Variants in ANKRD26 observed in about 807,000 individuals in gnomAD.
ANKRD26 encodes the protein ankyrin repeat domain 26.
A neutral mutation model predicts 208.7 loss-of-function variants in ANKRD26; 141 were observed. That is an observed-to-expected ratio of 0.68 (90% CI 0.59 to 0.78). ANKRD26 has a LOEUF of 0.78. ANKRD26 is among the 30% of genes least tolerant of loss of function. The pLI, the probability that ANKRD26 is intolerant of heterozygous loss-of-function variation, is 0.00. For missense variants in ANKRD26, 1,889 were observed against 1,938.7 expected (o/e 0.97, Z 0.48); for synonymous variants, 636 against 660.4 (o/e 0.96, Z 0.57).
At position 27,006,937 on chromosome 10, in the gene ANKRD26, A is replaced by T; in HGVS notation, c.4979T>A (p.Ile1660Lys). The T allele has an allele frequency of 6.2e-7, 1 of 1,610,106 alleles. No homozygotes were observed. Among genetic ancestry groups the T allele is most frequent in the South Asian group, 1.1e-5 (1 of 90,918 alleles). The change falls in exon 33 of 34, where the codon ATA becomes AAA. Residue 1660 changes from isoleucine to lysine, a missense_variant. Physicochemically the swap from Ile to Lys is moderately radical, Grantham distance 102. This residue lies in a region of ANKRD26 where 613 missense variants were observed against 648.2 expected (regional missense o/e 0.95). Transcript: ENST00000376087. ...CATACCTTCTTTGAGTTCTCTAGTTATATTTTTTTCCAACTCCTGCTGCAT... is the reference window on the plus strand; with the variant it reads ...CATACCTTCTTTGAGTTCTCTAGTTTTATTTTTTTCCAACTCCTGCTGCAT... ...SKMQQELEKN[I>K]TRELKEAAAE...
chr10:27,082,046 A>AT (rs1195674515), intron 6 of ANKRD26, among the ~76,000 whole-genome samples: 4 of 84,120 alleles, frequency 4.8e-5, no homozygotes, highest in African/African-American at 1.1e-4. Context: ...CTATGCAGTT[A>AT]TTTAAAAAAA....
chr10:26,951,015 T>TTTC, the ANKRD26 span, among the ~76,000 whole-genome samples: 26 of 46,902 alleles, frequency 5.5e-4, no homozygotes, highest in East Asian at 3.0e-3. Context: ...TTTCTTTTCT[T>TTTC]TTTCTTTTTT....
chr10:27,087,869 C>T (rs1247099422), intron 4 of ANKRD26, among the ~76,000 whole-genome samples: 2 of 152,188 alleles, frequency 1.3e-5, no homozygotes, highest in East Asian at 1.9e-4. Context: ...CCGCCTGGAA[C>T]TCCTGGGCTC....
At position 27,064,078 on chromosome 10, in the gene ANKRD26, T is replaced by C. The variant is rs12359281; in HGVS notation, c.1273A>G (p.Ile425Val). Residue 425 changes from isoleucine to valine, a missense_variant, in exon 12 of 34, where the codon ATC (isoleucine) becomes GTC (valine). Physicochemically the swap from Ile to Val is conservative, Grantham distance 29 (BLOSUM62 3). Coordinates refer to ENST00000376087, the MANE Select transcript of ANKRD26 (RefSeq NM_014915.3). ...TACTTCTGTGGAAAATTCTCAGAGA[T>C]ACTCTGTTAAAATTAGTATCAATAA... is the stretch of plus-strand genomic sequence containing the variant. Reference protein sequence around the residue: ...DIESPWDSESISENFPQKYVD... With the variant: ...DIESPWDSESVSENFPQKYVD... 0.027 allele frequency: 43,811 copies of C among 1,605,428 alleles called. 1,034 individuals are homozygous for C. Among genetic ancestry groups the C allele is most frequent in the East Asian group, 0.1 (4,560 of 44,760 alleles).
At chr10:26,954,454 T>C in the ANKRD26 span, among the ~76,000 whole-genome samples, 1 of 152,238 alleles carries the variant, frequency 6.6e-6, no homozygotes, top group Non-Finnish European at 1.5e-5. Flanking sequence ...ATTGTATTCT[T>C]TTAACATAAG....
chr10:27,018,233 C>T (rs937487428), intron 29 of ANKRD26, among the ~76,000 whole-genome samples: 9 of 149,882 alleles, frequency 6.0e-5, no homozygotes, highest in Non-Finnish European at 1.3e-4. Context: ...CTCCCGGGTT[C>T]ATGCCATTCT....
intron 4 of ANKRD26, among the ~76,000 whole-genome samples, chr10:26,981,313 A>G (rs2052304796): frequency 6.6e-6 from 1 of 152,230 alleles, no homozygotes; most frequent in African/African-American, 2.4e-5. Flanking sequence ...CTGCAAGGAG[A>G]CAAAGGCATC....
chr10:27,054,122 C>T (rs2054759391), intron 15 of ANKRD26, among the ~76,000 whole-genome samples: 1 of 152,090 alleles, frequency 6.6e-6, no homozygotes, highest in Non-Finnish European at 1.5e-5. Flanking sequence ...TATCTTTGTA[C>T]TGTATCTTTT....
intron 29 of ANKRD26, among the ~76,000 whole-genome samples, chr10:27,021,434 C>T (rs1228293044): frequency 6.6e-6 from 1 of 152,208 alleles, no homozygotes; most frequent in Non-Finnish European, 1.5e-5. Flanking sequence ...CTGTTCTCTG[C>T]AGCCTTGCTG....
intron 16 of ANKRD26, chr10:27,051,629 C>A: frequency 1.0e-6 from 1 of 985,200 alleles, no homozygotes; most frequent in Non-Finnish European, 1.2e-6. Context: ...TTAAATAAGG[C>A]TTAGAAGATG....
chr10:27,066,543 T>C lies in ANKRD26; in HGVS notation c.1213A>G (p.Met405Val), dbSNP rs555822164. 71 of 1,594,014 alleles carry C rather than the reference T, an allele frequency of 4.5e-5. No homozygotes were observed. The highest frequency in any genetic ancestry group is 1.7e-4 in the Middle Eastern group (1 of 6,028). Residue 405 changes from methionine to valine, a missense_variant, in exon 11 of 34, where the codon ATG (methionine) becomes GTG (valine). Coordinates refer to ENST00000376087, the MANE Select transcript of ANKRD26 (RefSeq NM_014915.3). ...TCTTGTCCTAATCCTAATGCGGACA[T>C]CATATCTATCAAATGTGATACACAG... ...EVHKNNRSDM[M>V]SALGLGQEED...
rs1302201478 is a variant in ANKRD26, at chr10:27,051,072, TGGAC to T, written c.1636-2097_1636-2094del. ...GCAAACCTCTACCTCTTTTTGAAGT[TGGAC>T]TTTTTCTTTCTCCAAAGCCTGGAAC... On this transcript the variant is annotated intron_variant, in intron 16 of 33. Coordinates refer to ENST00000376087, the MANE Select transcript of ANKRD26 (RefSeq NM_014915.3). 3.2e-6 allele frequency: 4 copies of T among 1,250,026 alleles called. No individual in the cohort carries two copies. The Admixed American group carries it at 8.6e-5, about 27-fold the overall frequency. 77.4% of individuals were successfully genotyped at this position (1,250,026 alleles called of 1,614,324 possible). A position where few individuals can be genotyped will look rare whatever the true frequency, so the allele number is the denominator to read the frequency against.
Position 27,079,122 on chromosome 10 carries a change from G to A in ANKRD26, c.780C>T (p.Thr260=), listed in dbSNP as rs1244487176. 1.2e-6 allele frequency: 2 copies of A among 1,613,684 alleles called. No homozygotes were observed. Among genetic ancestry groups the A allele is most frequent in the Non-Finnish European group, 1.7e-6 (2 of 1,179,830 alleles). The change falls in exon 7 of 34, where the codon ACC becomes ACT. Residue 260 remains threonine (T), a synonymous_variant. Transcript: ENST00000376087. ...CAAAATTGAGGTCTTCGTCATCTGAGGTAGGCCATGAATCATCAACACCCG... is the reference window on the plus strand; with the variant it reads ...CAAAATTGAGGTCTTCGTCATCTGAAGTAGGCCATGAATCATCAACACCCG... ...GKPGVDDSWP[T]SDDEDLNFDT...
Position 27,043,546 on chromosome 10 carries a change from T to C in ANKRD26, c.2041A>G (p.Met681Val), listed in dbSNP as rs781586513. 5 of 1,613,774 alleles carry C rather than the reference T, an allele frequency of 3.1e-6. No individual in the cohort carries two copies. The East Asian group carries it at 6.7e-5, about 22-fold the overall frequency. Residue 681 changes from methionine to valine, a missense_variant, in exon 20 of 34, where the codon ATG becomes GTG. Met to Val is a conservative substitution (Grantham distance 21, BLOSUM62 1). Around this residue, in one of 3 missense-constraint regions of ANKRD26, gnomAD observed 1,272 missense variants for 1,273.8 expected, o/e 1.00. Transcript: ENST00000376087. ...TGAGTTAAGTCATCAACATCATCCATAGACTGTATTTGGTTTTTGACCTAT... is the reference window on the plus strand; with the variant it reads ...TGAGTTAAGTCATCAACATCATCCACAGACTGTATTTGGTTTTTGACCTAT... ...KNKVKNQIQS[M>V]DDVDDLTQSS...
At position 27,037,242 on chromosome 10, in the gene ANKRD26, T is replaced by C; in HGVS notation, c.2641A>G (p.Asn881Asp). 1 of 1,613,890 alleles carries C rather than the reference T, an allele frequency of 6.2e-7. No individual in the cohort carries two copies. The highest frequency in any genetic ancestry group is 1.1e-5 in the South Asian group (1 of 91,070). The change falls in exon 23 of 34, where the codon AAT becomes GAT. Residue 881 changes from asparagine (N) to aspartate (D), a missense_variant. Around this residue, in one of 3 missense-constraint regions of ANKRD26, gnomAD observed 1,272 missense variants for 1,273.8 expected, o/e 1.00. Transcript: ENST00000376087. ...ATCTCCTTTTGTTTGGAAAGGTGATTGGTCAGAATTCCATCTTGTAACATT... is the reference window on the plus strand; with the variant it reads ...ATCTCCTTTTGTTTGGAAAGGTGATCGGTCAGAATTCCATCTTGTAACATT... ...ARMLQDGILT[N>D]HLSKQKEIEM...
At chr10:27,068,756 A>G (rs917988599) in intron 9 of ANKRD26, among the ~76,000 whole-genome samples, 7 of 152,176 alleles carry the variant, frequency 4.6e-5, no homozygotes, top group African/African-American at 1.7e-4. Context: ...CAATGTAAAC[A>G]TAGATAAACA....
Position 27,035,103 on chromosome 10 carries a change from T to C in ANKRD26, c.3347A>G (p.Gln1116Arg). ...TTTATTCACTTTAACTTGTTCATTTTGATACTTTTGTTCCATTTCCTTCAT... is the reference window on the plus strand; with the variant it reads ...TTTATTCACTTTAACTTGTTCATTTCGATACTTTTGTTCCATTTCCTTCAT... ...CQMKEMEQKYQNEQVKVNKYI... is the reference protein window; with the variant it reads ...CQMKEMEQKYRNEQVKVNKYI... The change falls in exon 24 of 34, where the codon CAA (glutamine) becomes CGA (arginine). Residue 1116 changes from glutamine (Q) to arginine (R), a missense_variant. This residue lies in a region of ANKRD26 where 613 missense variants were observed against 648.2 expected (regional missense o/e 0.95). Transcript: ENST00000376087. The C allele has an allele frequency of 6.2e-7, 1 of 1,612,844 alleles. No homozygotes were observed. The highest frequency in any genetic ancestry group is 8.5e-7 in the Non-Finnish European group (1 of 1,179,362).
the ANKRD26 span, among the ~76,000 whole-genome samples, chr10:26,947,736 C>T: frequency 1.3e-5 from 2 of 151,894 alleles, no homozygotes; most frequent in African/African-American, 4.8e-5. Flanking sequence ...CTTTTTTTTG[C>T]TAAATATGTT....
chr10:27,043,497 T>A lies in ANKRD26; in HGVS notation c.2090A>T (p.Asp697Val). 6.2e-7 allele frequency: 1 copy of A among 1,613,966 alleles called. No homozygotes were observed. Among genetic ancestry groups the A allele is most frequent in the East Asian group, 2.2e-5 (1 of 44,846 alleles). Residue 697 changes from aspartate to valine, a missense_variant, in exon 20 of 34, where the codon GAT becomes GTT. Physicochemically the swap from Asp to Val is radical, Grantham distance 152. Coordinates refer to ENST00000376087, the MANE Select transcript of ANKRD26 (RefSeq NM_014915.3). ...GTAACTAGAGTGGGGTAGCTCACAA[T>A]CCTCTGAGGCTGTTTCAGATGACTG... ...LTQSSETASE[D>V]CELPHSSYKN...
Sources: gnomAD v4.1 joint callset for allele counts (sites outside exome capture counted in the v4.1 genomes callset) on GRCh38, gnomAD v4.1.1 for gene constraint, gnomAD v4.1.1 regional missense constraint, MANE v1.5 for transcripts, NCBI Gene and HGNC (gene_info 2026-07-23, HGNC 2026-07-21) for gene names.